ZNF33A: variants seen among roughly 807,000 people sequenced by gnomAD.
ZNF33A encodes brain my041 protein.
Under a neutral mutation model 15.9 loss-of-function variants are expected in ZNF33A, and 9 were observed. The ratio of observed to expected loss-of-function variants is 0.57; its 90% confidence interval spans 0.34 to 0.99. The LOEUF (loss-of-function observed/expected upper bound fraction) is 0.99, where lower values mean the gene tolerates loss of function less well. Ranked by LOEUF, ZNF33A falls within the 50% of genes least tolerant of loss-of-function variation. ZNF33A has a pLI of 0.02. For synonymous variants in ZNF33A, 294 were observed against 324.2 expected (o/e 0.91, Z 1.00); for missense variants, 843 against 941.6 (o/e 0.90, Z 1.37).
intron 4 of ZNF33A, among the ~76,000 whole-genome samples, chr10:38,036,368 G>A (rs751694291): frequency 7.9e-5 from 12 of 152,060 alleles, no homozygotes; most frequent in Non-Finnish European, 1.6e-4. Flanking sequence ...AACCTGGAAC[G>A]CAGAGGTTGC....
rs2135781933 is a variant in ZNF33A at position 38,057,538 on chromosome 10, C to T, written c.*978C>T. ...TTAGTAGTGGTTACATTATCAGGCC[C>T]ATCCCAGATGTTTGTGATGTCCTGA... On this transcript the variant is annotated 3_prime_UTR_variant, in exon 5 of 5. Coordinates refer to ENST00000432900, the MANE Select transcript of ZNF33A (RefSeq NM_006954.2). 3 of 985,264 alleles carry T rather than the reference C, an allele frequency of 3.0e-6. No individual in the cohort carries two copies. Among genetic ancestry groups the T allele is most frequent in the Non-Finnish European group, 3.6e-6 (3 of 829,800 alleles). The allele number at this position is 985,264 out of a possible 1,614,324, so 61.0% of individuals were successfully genotyped here.
intron 4 of ZNF33A, among the ~76,000 whole-genome samples, chr10:38,035,111 CTTTT>C (rs71007683): frequency 4.7e-5 from 4 of 85,772 alleles, no homozygotes; most frequent in East Asian, 4.3e-4. Context: ...CATTTACTTT[CTTTT>C]TTTTTTTTTT....
downstream of ZNF33A, among the ~76,000 whole-genome samples, chr10:38,067,380 AGTT>A (rs1226552862): frequency 4.6e-5 from 7 of 152,304 alleles, no homozygotes; most frequent in African/African-American, 1.7e-4. Flanking sequence ...TTCTTTGGCC[AGTT>A]GTTCTCTGGT....
chr10:38,046,836 T>C (rs2065963871), intron 4 of ZNF33A, among the ~76,000 whole-genome samples: 1 of 152,228 alleles, frequency 6.6e-6, no homozygotes, highest in Middle Eastern at 3.4e-3. Flanking sequence ...ACAGAAAAGA[T>C]AGAAATCAGA....
intron 4 of ZNF33A, among the ~76,000 whole-genome samples, chr10:38,040,830 T>C (rs2065665269): frequency 6.6e-6 from 1 of 152,190 alleles, no homozygotes; most frequent in Admixed American, 6.5e-5. Context: ...ATGGTTTGAC[T>C]TATGATTTTT....
chr10:38,015,153 A>T (rs936626618), intron 2 of ZNF33A, among the ~76,000 whole-genome samples: 4 of 151,938 alleles, frequency 2.6e-5, no homozygotes, highest in Non-Finnish European at 5.9e-5. Flanking sequence ...AGGATTATAG[A>T]TGTGAGCCAC....
intron 4 of ZNF33A, among the ~76,000 whole-genome samples, chr10:38,036,652 A>G (rs1453553323): frequency 6.6e-6 from 1 of 152,180 alleles, no homozygotes; most frequent in Non-Finnish European, 1.5e-5. Context: ...CTTAGTGGTG[A>G]AACACTGGAT....
At chr10:38,043,086 T>C (rs1034423511) in intron 4 of ZNF33A, among the ~76,000 whole-genome samples, 6 of 152,214 alleles carry the variant, frequency 3.9e-5, no homozygotes, top group Non-Finnish European at 1.5e-5. Flanking sequence ...CTTTTATGGT[T>C]AGTGTACTTG....
chr10:38,027,344 T>C (rs932249160), intron 4 of ZNF33A, among the ~76,000 whole-genome samples: 11 of 152,090 alleles, frequency 7.2e-5, no homozygotes, highest in African/African-American at 2.7e-4. Context: ...TTCATTCATT[T>C]ATTCATTTGC....
intron 4 of ZNF33A, among the ~76,000 whole-genome samples, chr10:38,040,840 T>G (rs2474538): frequency 0.06 from 9,212 of 152,288 alleles, 359 homozygotes; most frequent in Middle Eastern, 0.095. Context: ...TTATGATTTT[T>G]TAACTTTTCA....
chr10:38,016,871 G>T lies in ZNF33A; in HGVS notation c.10G>T (p.Val4Leu), dbSNP rs2064472271. ...TGCCACCTAATTCTGAATGTTTCAG[G>T]TAGAACAGAAGTCCCAGGAGTCAGT... MNK[V>L]EQKSQESVSF... The change falls in exon 3 of 5, where the codon GTA (valine) becomes TTA (leucine). Residue 4 changes from valine to leucine, a missense_variant and splice_region_variant. Transcript: ENST00000432900. The T allele has an allele frequency of 6.2e-7, 1 of 1,613,324 alleles. No individual in the cohort carries two copies.
At chr10:38,062,649 A>G (rs1490793899), downstream of ZNF33A, among the ~76,000 whole-genome samples, 1 of 152,174 alleles carries the variant, frequency 6.6e-6, no homozygotes, top group Admixed American at 6.5e-5. Context: ...TCAAGGCTGC[A>G]GTGAGCTATG....
intron 4 of ZNF33A, among the ~76,000 whole-genome samples, chr10:38,023,719 C>T (rs2064855099): frequency 6.6e-6 from 1 of 152,158 alleles, no homozygotes; most frequent in Non-Finnish European, 1.5e-5. Context: ...TTGCTCCTGC[C>T]ACTCTTATTC....
At chr10:38,032,962 G>C (rs1564850442) in intron 4 of ZNF33A, among the ~76,000 whole-genome samples, 1 of 152,158 alleles carries the variant, frequency 6.6e-6, no homozygotes, top group African/African-American at 2.4e-5. Flanking sequence ...TGGCCAGGCT[G>C]GTCTGAAGCT....
At chr10:38,033,910 A>G (rs1564851385) in intron 4 of ZNF33A, among the ~76,000 whole-genome samples, 1 of 151,840 alleles carries the variant, frequency 6.6e-6, no homozygotes, top group African/African-American at 2.4e-5. Flanking sequence ...ACGGGGTTTC[A>G]TCATCTTGGC....
Position 38,056,325 on chromosome 10 carries a change from C to T in ZNF33A, c.2201C>T (p.Ser734Leu), listed in dbSNP as rs772156469. 1.9e-5 allele frequency: 30 copies of T among 1,613,970 alleles called. No homozygotes were observed. Among genetic ancestry groups the T allele is most frequent in the African/African-American group, 2.7e-5 (2 of 74,916 alleles). The part of the protein sequence containing the change: ...NECGKIFYRK[S>L]ELAQHQRSHT... ...TGTGGAAAAATCTTTTACCGTAAAT[C>T]GGAACTTGCTCAACATCAGAGATCA... Residue 734 changes from serine to leucine, a missense_variant, in exon 5 of 5, where the codon TCG (serine) becomes TTG (leucine). Physicochemically the swap from Ser to Leu is moderately radical, Grantham distance 145. Coordinates refer to ENST00000432900, the MANE Select transcript of ZNF33A (RefSeq NM_006954.2).
chr10:38,057,195 A>AT lies in ZNF33A; in HGVS notation c.*637dup. On this transcript the variant is annotated 3_prime_UTR_variant, in exon 5 of 5. Coordinates refer to ENST00000432900, the MANE Select transcript of ZNF33A (RefSeq NM_006954.2). ...TTACATTTGAGTAACCATCAACACG[A>AT]TTAGTTTACAGAACTGAAAAGGAAT... 1 of 983,878 alleles carries AT rather than the reference A, an allele frequency of 1.0e-6. No individual in the cohort carries two copies. The highest frequency in any genetic ancestry group is 1.7e-5 in the African/African-American group (1 of 57,310). The allele number at this position is 983,878 out of a possible 1,614,324, so 60.9% of individuals were successfully genotyped here.
chr10:38,061,811 A>G (rs1324747085), downstream of ZNF33A, among the ~76,000 whole-genome samples: 1 of 152,098 alleles, frequency 6.6e-6, no homozygotes, highest in African/African-American at 2.4e-5. Flanking sequence ...AACTATAAAA[A>G]TTAGCTGAGC....
chr10:38,029,360 A>G (rs2065117387), intron 4 of ZNF33A, among the ~76,000 whole-genome samples: 1 of 152,154 alleles, frequency 6.6e-6, no homozygotes, highest in Non-Finnish European at 1.5e-5. Flanking sequence ...TCAGCAATTT[A>G]TATATGTCAT....
Sources: gnomAD v4.1 joint callset for allele counts (sites outside exome capture counted in the v4.1 genomes callset) on GRCh38, gnomAD v4.1.1 for gene constraint, MANE v1.5 for transcripts, NCBI Gene and HGNC (gene_info 2026-07-23, HGNC 2026-07-21) for gene names.